Variants in DHRS3 observed in about 807,000 individuals in gnomAD.
DHRS3 encodes the protein short-chain dehydrogenase/reductase 3.
In DHRS3, 14 loss-of-function variants were observed where a neutral mutation model predicts 27.2. That is an observed-to-expected ratio of 0.52 (90% confidence interval 0.34 to 0.81). DHRS3 has a LOEUF of 0.81. Among genes scored for constraint, DHRS3 ranks in the 30% least tolerant of loss-of-function variants. The pLI, the probability that DHRS3 is intolerant of heterozygous loss-of-function variation, is 0.01. For missense variants in DHRS3, 322 were observed against 406.2 expected, an observed-to-expected ratio of 0.79 and a Z score of 1.78; for synonymous variants, 165 against 175.9, an observed-to-expected ratio of 0.94 and a Z score of 0.49.
intron 1 of DHRS3, among the ~76,000 whole-genome samples, chr1:12,612,052 C>T (rs111437937): frequency 1.0e-3 from 152 of 152,226 alleles, no homozygotes; most frequent in African/African-American, 3.3e-3. Context: ...AAGGGAAGGG[C>T]CTGGGGGAGT....
chr1:12,592,323 G>A lies in DHRS3; in HGVS notation c.196-11657C>T, dbSNP rs139517485. Reference sequence around the variant, plus strand: ...TGAATGTGACCTTATGCTGAAAGAGGGTCTTTGGAATTGAGTAGCTGTAAT... The same window carrying A: ...TGAATGTGACCTTATGCTGAAAGAGAGTCTTTGGAATTGAGTAGCTGTAAT... On this transcript the variant is annotated intron_variant, in intron 1 of 5. Transcript: ENST00000616661. This position sits in a 1 kb window ranked among gnomAD's most constrained non-coding sequence, Gnocchi z 4.2. Among the ~76,000 whole-genome samples the A allele has an allele frequency of 2.6e-5, 4 of 152,264 alleles. No homozygotes were observed. The highest frequency in any genetic ancestry group is 5.9e-5 in the Non-Finnish European group (4 of 68,016).
rs1336379817 is a variant in DHRS3 at position 12,608,546 on chromosome 1, C to A, written c.195+8608G>T. Reference sequence around the variant, plus strand: ...AGTGTTGGTTGATCGATGCTGGTGTCCTCTTTTCCTCCTGCCCCCTGCCCC... The same window carrying A: ...AGTGTTGGTTGATCGATGCTGGTGTACTCTTTTCCTCCTGCCCCCTGCCCC... On this transcript the variant is annotated intron_variant, in intron 1 of 5. Transcript: ENST00000616661. The surrounding 1 kb of genome is among the most constrained non-coding windows in gnomAD (Gnocchi z 4.1). 6.6e-6 allele frequency among the ~76,000 whole-genome samples: 1 copy of A among 152,150 alleles called. No individual in the cohort carries two copies. The highest frequency in any genetic ancestry group is 2.4e-5 in the African/African-American group (1 of 41,436).
intron 4 of DHRS3, among the ~76,000 whole-genome samples, chr1:12,573,097 C>T (rs1269475353): frequency 6.6e-6 from 1 of 152,214 alleles, no homozygotes; most frequent in Non-Finnish European, 1.5e-5. Context: ...GACCCACTCT[C>T]CCAAGCCCTC....
chr1:12,602,439 CCT>C (rs1646841827), intron 1 of DHRS3, among the ~76,000 whole-genome samples: 4 of 152,150 alleles, frequency 2.6e-5, no homozygotes, highest in Admixed American at 2.6e-4. Flanking sequence ...TCCAATTCCC[CCT>C]GAGGGCTTCT....
chr1:12,613,630 G>A (rs1488280539), intron 1 of DHRS3, among the ~76,000 whole-genome samples: 2 of 152,176 alleles, frequency 1.3e-5, no homozygotes, highest in Non-Finnish European at 2.9e-5. Flanking sequence ...TTCCTGGCTG[G>A]GTGCTGTAGG....
At chr1:12,600,419 T>G in intron 1 of DHRS3, 1 of 985,090 alleles carries the variant, frequency 1.0e-6, no homozygotes. Flanking sequence ...CATAGGGAAG[T>G]GGCCCGGAGA....
chr1:12,609,868 C>G (rs1646894948), intron 1 of DHRS3, among the ~76,000 whole-genome samples: 2 of 152,228 alleles, frequency 1.3e-5, no homozygotes, highest in South Asian at 4.2e-4. Flanking sequence ...ACTCCACTCT[C>G]TCCTCAGAGC....
Position 12,572,763 on chromosome 1 carries a change from G to A in DHRS3, c.789C>T (p.Leu263=), listed in dbSNP as rs1241572218. The part of the protein sequence containing the change: ...AVQLNQALLL[L]PWTMHALVIL... ...TAACGAGGGCATGCATTGTCCATGG[G>A]AGGAGGAGGAGGGCCTGGTTGAGCT... The change falls in exon 5 of 6, where the codon CTC becomes CTT. Residue 263 remains leucine, a synonymous_variant. Coordinates refer to ENST00000616661, the MANE Select transcript of DHRS3 (RefSeq NM_004753.7). 1 of 1,605,812 alleles carries A rather than the reference G, an allele frequency of 6.2e-7. No individual in the cohort carries two copies. The highest frequency in any genetic ancestry group is 8.5e-7 in the Non-Finnish European group (1 of 1,175,950).
At chr1:12,607,834 T>C (rs972713548) in intron 1 of DHRS3, among the ~76,000 whole-genome samples, 2 of 151,424 alleles carry the variant, frequency 1.3e-5, no homozygotes, top group African/African-American at 4.9e-5. Context: ...ATAAAATATA[T>C]ATATTTGTGT....
intron 1 of DHRS3, among the ~76,000 whole-genome samples, chr1:12,585,670 T>C (rs1253514486): frequency 1.3e-5 from 2 of 152,208 alleles, no homozygotes; most frequent in African/African-American, 2.4e-5. Flanking sequence ...CTGGGGAATC[T>C]GCGTCACTGA....
chr1:12,585,651 C>G (rs1245194715), intron 1 of DHRS3, among the ~76,000 whole-genome samples: 4 of 152,196 alleles, frequency 2.6e-5, no homozygotes, highest in Admixed American at 2.6e-4. Context: ...GCCTCCTACC[C>G]TGACCCTTCT....
intron 4 of DHRS3, among the ~76,000 whole-genome samples, chr1:12,577,619 G>A (rs1646601315): frequency 6.6e-6 from 1 of 152,176 alleles, no homozygotes; most frequent in Non-Finnish European, 1.5e-5. Context: ...GAGGTTGGGA[G>A]TTTGAGATCA....
intron 1 of DHRS3, among the ~76,000 whole-genome samples, chr1:12,615,657 A>G (rs1646939679): frequency 6.6e-6 from 1 of 152,194 alleles, no homozygotes; most frequent in Admixed American, 6.5e-5. Flanking sequence ...GCAGACAGCT[A>G]AAGAATGACA....
At position 12,568,041 on chromosome 1, in the gene DHRS3, C is replaced by A; in HGVS notation, c.*299G>T. On this transcript the variant is annotated 3_prime_UTR_variant, in exon 6 of 6. Coordinates refer to ENST00000616661, the MANE Select transcript of DHRS3 (RefSeq NM_004753.7). ...CCCTCCTGGAAATGGTCTATGCACACTGCTGAGGCTGGTTAGACTTGAGAA... is the reference window on the plus strand; with the variant it reads ...CCCTCCTGGAAATGGTCTATGCACAATGCTGAGGCTGGTTAGACTTGAGAA... 1 of 309,186 alleles carries A rather than the reference C, an allele frequency of 3.2e-6. No homozygotes were observed. The highest frequency in any genetic ancestry group is 6.2e-6 in the Non-Finnish European group (1 of 160,820). The allele number at this position is 309,186 out of a possible 1,614,324, so 19.2% of individuals were successfully genotyped here. A position where few individuals can be genotyped will look rare whatever the true frequency, so the allele number is the denominator to read the frequency against.
intron 1 of DHRS3, 124 bp downstream of exon 1, chr1:12,617,030 T>C: frequency 8.5e-7 from 1 of 1,180,880 alleles, no homozygotes; most frequent in Non-Finnish European, 1.2e-6. Context: ...CACTCGTGGG[T>C]GGCGCGGAGA....
At chr1:12,568,566 T>C (rs1646505347) in intron 5 of DHRS3, 142 bp from the exon 6 acceptor site, 2 of 735,370 alleles carry the variant, frequency 2.7e-6, no homozygotes, top group Non-Finnish European at 4.7e-6. Context: ...ACACACCAGT[T>C]TCTCCCCAAA....
intron 1 of DHRS3, among the ~76,000 whole-genome samples, chr1:12,598,404 C>A (rs1646813221): frequency 6.6e-6 from 1 of 152,012 alleles, no homozygotes; most frequent in African/African-American, 2.4e-5. Context: ...AAAAAAATAA[C>A]AACAGTACTC....
chr1:12,590,051 A>C (rs1646732361), intron 1 of DHRS3, among the ~76,000 whole-genome samples: 1 of 152,054 alleles, frequency 6.6e-6, no homozygotes, highest in African/African-American at 2.4e-5. Flanking sequence ...CCTTACTTAG[A>C]AGGCTCTCCT....
In DHRS3 at chr1:12,586,037, G is replaced by A. The variant is rs1290655747; in HGVS notation, c.196-5371C>T. ...CTCTTCCCTCCCATCTGGGGCAAATGGTGAGCTTCTGTCCCCTTCTCTCTC... is the reference window on the plus strand; with the variant it reads ...CTCTTCCCTCCCATCTGGGGCAAATAGTGAGCTTCTGTCCCCTTCTCTCTC... On this transcript the variant is annotated intron_variant, in intron 1 of 5. Transcript: ENST00000616661. This position sits in a 1 kb window ranked among gnomAD's most constrained non-coding sequence, Gnocchi z 5.0. Among the ~76,000 whole-genome samples the A allele has an allele frequency of 6.6e-6, 1 of 151,844 alleles. No individual in the cohort carries two copies. The highest frequency in any genetic ancestry group is 2.0e-4 in the East Asian group (1 of 5,096).
Sources: allele counts gnomAD v4.1 joint callset (sites outside exome capture counted in the v4.1 genomes callset), GRCh38; gene constraint gnomAD v4.1.1; non-coding constraint Gnocchi (gnomAD v3.1); transcripts MANE v1.5; gene names NCBI Gene and HGNC (gene_info 2026-07-23, HGNC 2026-07-21).